The following CDIN1 variants were observed in gnomAD, a reference collection of about 807,000 sequenced individuals.
CDIN1 encodes CDAN1-interacting nuclease 1.
A neutral mutation model predicts 45.3 loss-of-function variants in CDIN1; 33 were observed. That is an observed-to-expected ratio of 0.73 (90% confidence interval 0.55 to 0.97). CDIN1 has a LOEUF of 0.97. Among genes scored for constraint, CDIN1 ranks in the 50% least tolerant of loss-of-function variants. CDIN1 has a pLI of 0.00. For missense variants in CDIN1, 303 were observed against 339.4 expected (o/e 0.89, Z 0.84); for synonymous variants, 118 against 124.4 (o/e 0.95, Z 0.34).
chr15:36,615,229 C>G lies in CDIN1; in HGVS notation c.102-29049C>G, dbSNP rs577117073. On this transcript the variant is annotated intron_variant, in intron 1 of 10. Coordinates refer to ENST00000566621, the MANE Select transcript of CDIN1 (RefSeq NM_001321759.2). The stretch of plus-strand genomic sequence containing the variant: ...CCACCGCATCTGGCTGTGACAGCCT[C>G]TGCAGTCCGTGGGCTGGCAGTTTGT... 1.5e-3 allele frequency among the ~76,000 whole-genome samples: 227 copies of G among 152,324 alleles called. 2 individuals are homozygous for G. Among genetic ancestry groups the G allele is most frequent in the Non-Finnish European group, 2.4e-3 (162 of 68,036 alleles).
chr15:36,679,025 T>C (rs1021363085), intron 5 of CDIN1, among the ~76,000 whole-genome samples: 2 of 152,224 alleles, frequency 1.3e-5, no homozygotes, highest in African/African-American at 4.8e-5. Context: ...ATTATGTCGT[T>C]ATAGACAAGA....
chr15:36,584,270 C>CA (rs900005022), intron 1 of CDIN1, among the ~76,000 whole-genome samples: 2 of 151,916 alleles, frequency 1.3e-5, no homozygotes, highest in African/African-American at 4.8e-5. Context: ...CCTGTCTCTT[C>CA]AAAAAAATTT....
rs771142126 is a variant in CDIN1, at chr15:36,697,306, T to TA, written c.477-15dup. 1 of 1,612,014 alleles carries TA rather than the reference T, an allele frequency of 6.2e-7. No homozygotes were observed. Among genetic ancestry groups the TA allele is most frequent in the Non-Finnish European group, 8.5e-7 (1 of 1,178,794 alleles). ...TATAATTCTGCCTGTGTTACCCCCT[T>TA]AACTGAAACTTCCCAGTGCCATTGG... On this transcript the variant is annotated splice_polypyrimidine_tract_variant and intron_variant, in intron 7 of 10. Transcript: ENST00000566621.
intron 7 of CDIN1, among the ~76,000 whole-genome samples, chr15:36,697,017 C>A (rs1165068384): frequency 2.0e-5 from 3 of 150,744 alleles, no homozygotes; most frequent in African/African-American, 7.3e-5. Flanking sequence ...CCCTGCTACC[C>A]AGGAGGCTGA....
chr15:36,635,110 G>A (rs1407215093), intron 1 of CDIN1, among the ~76,000 whole-genome samples: 1 of 152,066 alleles, frequency 6.6e-6, no homozygotes, highest in Non-Finnish European at 1.5e-5. Flanking sequence ...TGGGGGCAGG[G>A]GGCCTCTAAC....
chr15:36,672,545 T>A (rs1187257561), intron 5 of CDIN1, among the ~76,000 whole-genome samples: 1 of 150,868 alleles, frequency 6.6e-6, no homozygotes, highest in African/African-American at 2.4e-5. Flanking sequence ...TGGGGGGAAA[T>A]AGAACAGTGC....
chr15:36,706,123 ATAAGAGCCTG>A (rs2042856201), intron 8 of CDIN1: 1 of 152,198 alleles, frequency 6.6e-6, no homozygotes, highest in African/African-American at 2.4e-5. Context: ...ATGCAGTTTT[ATAAGAGCCTG>A]TATGAAATGT....
intron 10 of CDIN1, among the ~76,000 whole-genome samples, chr15:36,748,072 TTCTCATTTGGTC>T (rs2044510054): frequency 6.6e-6 from 1 of 152,158 alleles, no homozygotes; most frequent in Non-Finnish European, 1.5e-5. Flanking sequence ...ATAACTTTGG[TTCTCATTTGGTC>T]TCTCATTTGT....
At chr15:36,617,986 G>T in intron 1 of CDIN1, 1 of 780,272 alleles carries the variant, frequency 1.3e-6, no homozygotes, top group South Asian at 1.3e-5. Context: ...CTCAAGCACA[G>T]TATGCCTCCC....
chr15:36,600,833 A>G (rs1045728270), intron 1 of CDIN1, among the ~76,000 whole-genome samples: 5 of 152,304 alleles, frequency 3.3e-5, no homozygotes, highest in East Asian at 3.9e-4. Flanking sequence ...TGAAACTTTG[A>G]TGTAAAACTG....
At chr15:36,644,588 G>A (rs1400969401) in intron 2 of CDIN1, among the ~76,000 whole-genome samples, 1 of 152,040 alleles carries the variant, frequency 6.6e-6, no homozygotes, top group Non-Finnish European at 1.5e-5. Context: ...ATTTCCCTGT[G>A]TTGCGTGGTT....
At chr15:36,609,423 A>G (rs1259022380) in intron 1 of CDIN1, among the ~76,000 whole-genome samples, 2 of 152,244 alleles carry the variant, frequency 1.3e-5, no homozygotes, top group Non-Finnish European at 2.9e-5. Flanking sequence ...TACTTAAAAA[A>G]TAACTATAAT....
intron 10 of CDIN1, among the ~76,000 whole-genome samples, chr15:36,772,820 C>G (rs1001263956): frequency 6.6e-6 from 1 of 152,138 alleles, no homozygotes; most frequent in African/African-American, 2.4e-5. Flanking sequence ...ATTGTGTTAA[C>G]AGAGGAAATC....
intron 10 of CDIN1, among the ~76,000 whole-genome samples, chr15:36,803,083 C>T (rs1017135435): frequency 2.6e-5 from 4 of 151,930 alleles, no homozygotes; most frequent in African/African-American, 9.7e-5. Context: ...TTATGTCTCT[C>T]TTCACTGCTT....
intron 1 of CDIN1, chr15:36,594,844 G>A: frequency 1.0e-6 from 1 of 974,604 alleles, no homozygotes; most frequent in Non-Finnish European, 1.2e-6. Flanking sequence ...ATTTCAAGAA[G>A]CTTATTTATA....
chr15:36,668,224 A>G (rs896313662), intron 5 of CDIN1: 4 of 152,234 alleles, frequency 2.6e-5, no homozygotes, highest in Admixed American at 2.6e-4. Flanking sequence ...CTTGAGGTGA[A>G]TATTTTGTTG....
intron 1 of CDIN1, among the ~76,000 whole-genome samples, chr15:36,621,674 G>A (rs767071211): frequency 6.6e-6 from 1 of 152,150 alleles, no homozygotes; most frequent in Non-Finnish European, 1.5e-5. Flanking sequence ...AACATTTTAA[G>A]TGTTAACATC....
At chr15:36,780,822 T>C (rs1235320000) in intron 10 of CDIN1, among the ~76,000 whole-genome samples, 2 of 152,192 alleles carry the variant, frequency 1.3e-5, no homozygotes, top group African/African-American at 4.8e-5. Context: ...GTGGCCGAGC[T>C]AGGAATCCAA....
chr15:36,612,229 C>T (rs2038682503), intron 1 of CDIN1, among the ~76,000 whole-genome samples: 1 of 152,146 alleles, frequency 6.6e-6, no homozygotes, highest in African/African-American at 2.4e-5. Flanking sequence ...CCCTAAGAGA[C>T]AGCCCTTGTC....
Sources: allele counts gnomAD v4.1 joint callset (sites outside exome capture counted in the v4.1 genomes callset), GRCh38; gene constraint gnomAD v4.1.1; transcripts MANE v1.5; gene names NCBI Gene and HGNC (gene_info 2026-07-23, HGNC 2026-07-21).